CALM3: variants seen among roughly 807,000 people sequenced by gnomAD.
CALM3 encodes the protein calmodulin-3.
A neutral mutation model predicts 20.1 loss-of-function variants in CALM3; 5 were observed. The ratio of observed to expected loss-of-function variants is 0.25; its 90% CI spans 0.13 to 0.52. CALM3 has a LOEUF of 0.52. Among genes scored for constraint, CALM3 ranks in the 20% least tolerant of loss-of-function variants. CALM3 has a pLI of 0.96. For synonymous variants in CALM3, 69 were observed against 68.1 expected (o/e 1.01, Z -0.06); for missense variants, 57 against 192.8 (o/e 0.30, Z 4.17).
chr19:46,608,953 C>T lies in CALM3; in HGVS notation c.393C>T (p.Ile131=), dbSNP rs751608096. ...ATGAGATGATCAGGGAGGCTGACAT[C>T]GATGGAGATGGCCAGGTCAATTATG... ...EVDEMIREAD[I]DGDGQVNYEE... The change falls in exon 5 of 6, where the codon ATC becomes ATT. Residue 131 remains isoleucine (I), a synonymous_variant. Transcript: ENST00000291295. The surrounding 1 kb of genome is among the most constrained non-coding windows in gnomAD (Gnocchi z 5.5). 6.8e-6 allele frequency: 11 copies of T among 1,606,798 alleles called. No homozygotes were observed. Among genetic ancestry groups the T allele is most frequent in the African/African-American group, 1.3e-5 (1 of 74,758 alleles).
At chr19:46,607,988 T>C (rs1971778678) in intron 2 of CALM3, 1 of 551,392 alleles carries the variant, frequency 1.8e-6, no homozygotes, top group East Asian at 3.0e-5. Context: ...ACAGTGTTGA[T>C]GTTCAATAAC....
At chr19:46,607,814 T>G in intron 2 of CALM3, 1 of 165,506 alleles carries the variant, frequency 6.0e-6, no homozygotes. Flanking sequence ...AGACAAAGAA[T>G]CCTTTCGGCT....
At chr19:46,607,863 A>AGGGAGGGTTCATTTCATCATTTC (rs1491239604) in intron 2 of CALM3, 2 of 15,244 alleles carry the variant, frequency 1.3e-4, no homozygotes, top group African/African-American at 3.9e-3. Flanking sequence ...TCATCATTTC[A>AGGGAGGGTTCATTTCATCATTTC]AGGGAGAAGT....
In CALM3 at chr19:46,601,334, A is replaced by G. The variant is rs1314932571; in HGVS notation, c.-101A>G. The G allele has an allele frequency of 3.5e-6, 4 of 1,135,770 alleles. No individual in the cohort carries two copies. Among genetic ancestry groups the G allele is most frequent in the Non-Finnish European group, 4.6e-6 (4 of 860,580 alleles). The allele number at this position is 1,135,770 out of a possible 1,614,324, so 70.4% of individuals were successfully genotyped here. On this transcript the variant is annotated 5_prime_UTR_variant, in exon 1 of 6. Coordinates refer to ENST00000291295, the MANE Select transcript of CALM3 (RefSeq NM_005184.4). The surrounding 1 kb of genome is among the most constrained non-coding windows in gnomAD (Gnocchi z 4.2). ...GCGGCGGCGCGCGCTGCGGGCAGTGAGTGTGGAGGCGCGGACGCGCGGCGG... is the reference window on the plus strand; with the variant it reads ...GCGGCGGCGCGCGCTGCGGGCAGTGGGTGTGGAGGCGCGGACGCGCGGCGG...
rs373529765 is a variant in CALM3, at chr19:46,608,985, A to G, written c.421+4A>G. 55 of 1,600,258 alleles carry G rather than the reference A, an allele frequency of 3.4e-5. No homozygotes were observed. In the African/African-American group the frequency reaches 7.0e-4, roughly 20 times the overall value. ...GATGGCCAGGTCAATTATGAAGGTG[A>G]GTCAAGGCCAGGCTTGATCTCTGGA... is the stretch of plus-strand genomic sequence containing the variant. On this transcript the variant is annotated splice_donor_region_variant and intron_variant, in intron 5 of 5. Coordinates refer to ENST00000291295, the MANE Select transcript of CALM3 (RefSeq NM_005184.4). The surrounding 1 kb of genome is among the most constrained non-coding windows in gnomAD (Gnocchi z 5.5).
intron 2 of CALM3, chr19:46,606,213 TGCAGAGCTCCTGTCCCAC>T: frequency 8.0e-6 from 2 of 248,460 alleles, no homozygotes; most frequent in Non-Finnish European, 1.6e-5. Context: ...CTGTGGGGCC[TGCAGAGCTCCTGTCCCAC>T]TTTAGGAGCC....
chr19:46,602,623 C>CG (rs1193786115), intron 1 of CALM3: 10 of 192,066 alleles, frequency 5.2e-5, no homozygotes, highest in Non-Finnish European at 6.6e-5. Context: ...TGGAAGACAC[C>CG]GGGGCAGTGG....
chr19:46,604,050 G>A lies in CALM3; in HGVS notation c.4-1777G>A, dbSNP rs145209438. On this transcript the variant is annotated intron_variant, in intron 1 of 5. Coordinates refer to ENST00000291295, the MANE Select transcript of CALM3 (RefSeq NM_005184.4). Reference sequence around the variant, plus strand: ...GGCTGGGAAGGCCCTGACCTGGCTCGCTTTTTCCATTCTAGGCCAGGGGAA... The same window carrying A: ...GGCTGGGAAGGCCCTGACCTGGCTCACTTTTTCCATTCTAGGCCAGGGGAA... Among the ~76,000 whole-genome samples, 1,431 of 152,280 alleles carry A rather than the reference G, an allele frequency of 9.4e-3. 64 individuals are homozygous for A. Among genetic ancestry groups the A allele is most frequent in the Admixed American group, 0.065 (987 of 15,286 alleles).
At position 46,609,107 on chromosome 19, in the gene CALM3, C is replaced by T. The variant is rs778763138; in HGVS notation, c.422-18C>T. Reference sequence around the variant, plus strand: ...AGCCTGCCCGCCTGACCTCCTCTCTCTCTGCTTCACTCCACAGAGTTTGTA... The same window carrying T: ...AGCCTGCCCGCCTGACCTCCTCTCTTTCTGCTTCACTCCACAGAGTTTGTA... On this transcript the variant is annotated intron_variant, in intron 5 of 5. Coordinates refer to ENST00000291295, the MANE Select transcript of CALM3 (RefSeq NM_005184.4). 1.9e-6 allele frequency: 3 copies of T among 1,613,982 alleles called. No homozygotes were observed. The African/African-American group carries it at 4.0e-5, about 22-fold the overall frequency.
chr19:46,602,355 G>T, intron 1 of CALM3: 5 of 373,686 alleles, frequency 1.3e-5, no homozygotes, highest in Non-Finnish European at 2.5e-5. Context: ...GGAGTGTTGT[G>T]TTTGGGTCCA....
Position 46,608,430 on chromosome 19 carries a change from GTC to G in CALM3, c.179-47_179-46del. On this transcript the variant is annotated intron_variant, in intron 3 of 5. Transcript: ENST00000291295. This position sits in a 1 kb window ranked among gnomAD's most constrained non-coding sequence, Gnocchi z 5.5. ...CTCTCAGGGTGATGGATGAGCCCGT[GTC>G]TCTCAGGGCCCAGGCCAAGAGCATT... 1 of 1,608,738 alleles carries G rather than the reference GTC, an allele frequency of 6.2e-7. No individual in the cohort carries two copies. Among genetic ancestry groups the G allele is most frequent in the Non-Finnish European group, 8.5e-7 (1 of 1,175,118 alleles).
At position 46,605,757 on chromosome 19, in the gene CALM3, G is replaced by T. The variant is rs1971729374; in HGVS notation, c.4-70G>T. On this transcript the variant is annotated intron_variant, in intron 1 of 5. Transcript: ENST00000291295. This position sits in a 1 kb window ranked among gnomAD's most constrained non-coding sequence, Gnocchi z 4.1. Reference sequence around the variant, plus strand: ...CTGGCCTCACTGGGGCCGAGGGTCTGGGCTGAGTGAGGAAGATGCGTCCGT... The same window carrying T: ...CTGGCCTCACTGGGGCCGAGGGTCTTGGCTGAGTGAGGAAGATGCGTCCGT... 6.5e-7 allele frequency: 1 copy of T among 1,535,664 alleles called. No individual in the cohort carries two copies. The highest frequency in any genetic ancestry group is 1.1e-5 in the South Asian group (1 of 89,386).
At chr19:46,602,003 C>T (rs1971629897) in intron 1 of CALM3, 2 of 852,746 alleles carry the variant, frequency 2.3e-6, no homozygotes, top group Non-Finnish European at 3.1e-6. Flanking sequence ...CAAGGATGGG[C>T]GGTCACTTCT....
At chr19:46,606,020 C>T in intron 2 of CALM3, 163 bp downstream of exon 2, 5 of 634,082 alleles carry the variant, frequency 7.9e-6, no homozygotes, top group South Asian at 7.2e-5. Context: ...TGTAAGAGCA[C>T]ACCAGTGCCC....
chr19:46,604,801 G>A (rs933679721), intron 1 of CALM3, among the ~76,000 whole-genome samples: 2 of 152,022 alleles, frequency 1.3e-5, no homozygotes, highest in African/African-American at 4.8e-5. Flanking sequence ...CCGGGATGGT[G>A]GTGCCTTCTT....
upstream of CALM3, chr19:46,601,231 G>A (rs557550092): frequency 2.8e-5 from 8 of 281,146 alleles, no homozygotes; most frequent in South Asian, 7.2e-4. The surrounding 1 kb of genome is among the most constrained non-coding windows in gnomAD (Gnocchi z 4.2). Flanking sequence ...CGGCGCGCGG[G>A]CCGGGTGGGG....
rs1046783177 is a variant in CALM3, at chr19:46,609,844, T to C, written c.*691T>C. On this transcript the variant is annotated 3_prime_UTR_variant, in exon 6 of 6. Transcript: ENST00000291295. ...AACCATCTGATTGGCTTTCTGAGGTTTGGCTGGGTGGGGACTGCTCATTTG... is the reference window on the plus strand; with the variant it reads ...AACCATCTGATTGGCTTTCTGAGGTCTGGCTGGGTGGGGACTGCTCATTTG... The C allele has an allele frequency of 2.6e-5, 4 of 153,020 alleles. No individual in the cohort carries two copies. Among genetic ancestry groups the C allele is most frequent in the African/African-American group, 9.7e-5 (4 of 41,430 alleles). 9.5% of individuals were successfully genotyped at this position (153,020 alleles called of 1,614,324 possible). A position where few individuals can be genotyped will look rare whatever the true frequency, so the allele number is the denominator to read the frequency against.
At chr19:46,604,940 C>T (rs1004093398) in intron 1 of CALM3, among the ~76,000 whole-genome samples, 11 of 151,990 alleles carry the variant, frequency 7.2e-5, no homozygotes, top group Admixed American at 2.0e-4. Context: ...TGATGCCCAG[C>T]ACACCAGTGC....
intron 2 of CALM3, among the ~76,000 whole-genome samples, chr19:46,607,648 T>C (rs1198581778): frequency 6.6e-6 from 1 of 152,154 alleles, no homozygotes; most frequent in Admixed American, 6.5e-5. Flanking sequence ...CCACACGCAG[T>C]GGCTCAGCTC....
Sources: allele counts gnomAD v4.1 joint callset (sites outside exome capture counted in the v4.1 genomes callset), GRCh38; gene constraint gnomAD v4.1.1; non-coding constraint Gnocchi (gnomAD v3.1); transcripts MANE v1.5; gene names NCBI Gene and HGNC (gene_info 2026-07-23, HGNC 2026-07-21).